The following SNX29 variants were observed in gnomAD, a reference collection of about 807,000 sequenced individuals.
SNX29 encodes sorting nexin-29.
In SNX29, 78 loss-of-function variants were observed where a neutral mutation model predicts 102.1. That is an observed-to-expected ratio of 0.76 (90% CI 0.64 to 0.92). The LOEUF is 0.92. SNX29 is among the 40% of genes least tolerant of loss of function. The pLI, the probability that SNX29 is intolerant of heterozygous loss-of-function variation, is 0.00. For missense variants in SNX29, 1,280 were observed against 1,061.7 expected (o/e 1.21, Z -2.86); for synonymous variants, 580 against 414.5 (o/e 1.40, Z -4.85).
chr16:12,489,544 C>G (rs147068754), intron 19 of SNX29, among the ~76,000 whole-genome samples: 1 of 152,326 alleles, frequency 6.6e-6, no homozygotes, highest in East Asian at 1.9e-4. Context: ...ACTCAGCTGT[C>G]ACATGGTGGT....
chr16:12,277,968 G>C lies in SNX29; in HGVS notation c.1714G>C (p.Val572Leu). Reference sequence around the variant, plus strand: ...TTGGAGTGTTGATGGAGAAGTTACAGTAGCTGAACAGAAGCCGGGAGAAAT... The same window carrying C: ...TTGGAGTGTTGATGGAGAAGTTACACTAGCTGAACAGAAGCCGGGAGAAAT... ...NLWSVDGEVT[V>L]AEQKPGEIAE... The change falls in exon 15 of 21, where the codon GTA becomes CTA. Residue 572 changes from valine to leucine, a missense_variant. Val to Leu is a conservative substitution (Grantham distance 32, BLOSUM62 1). Transcript: ENST00000566228. 1.9e-6 allele frequency: 3 copies of C among 1,609,542 alleles called. No homozygotes were observed. The highest frequency in any genetic ancestry group is 2.5e-6 in the Non-Finnish European group (3 of 1,177,936).
chr16:12,518,831 A>G (rs2089980083), intron 19 of SNX29, among the ~76,000 whole-genome samples: 1 of 152,040 alleles, frequency 6.6e-6, no homozygotes. Flanking sequence ...ATTGCAGGGG[A>G]TTTCGCTGCA....
chr16:12,491,181 T>G (rs2088527675), intron 19 of SNX29, among the ~76,000 whole-genome samples: 1 of 152,254 alleles, frequency 6.6e-6, no homozygotes, highest in Admixed American at 6.5e-5. Context: ...TGATGAACAT[T>G]TAGGTCGTTT....
chr16:12,416,282 G>C (rs1253905591), intron 18 of SNX29, among the ~76,000 whole-genome samples: 1 of 152,066 alleles, frequency 6.6e-6, no homozygotes, highest in East Asian at 1.9e-4. Flanking sequence ...GGCTTGTCTC[G>C]GGGCACCGCC....
intron 15 of SNX29, among the ~76,000 whole-genome samples, chr16:12,317,883 G>C (rs1404755963): frequency 6.6e-6 from 1 of 152,244 alleles, no homozygotes; most frequent in African/African-American, 2.4e-5. Flanking sequence ...TGCAAGTAAA[G>C]CATTCAGCCC....
intron 16 of SNX29, among the ~76,000 whole-genome samples, chr16:12,389,779 G>A (rs951199069): frequency 6.6e-6 from 1 of 152,062 alleles, no homozygotes; most frequent in Non-Finnish European, 1.5e-5. Context: ...ACATCTCCTG[G>A]AAACCCTGGG....
intron 19 of SNX29, among the ~76,000 whole-genome samples, chr16:12,497,433 G>C (rs1255009180): frequency 2.6e-5 from 4 of 152,174 alleles, no homozygotes; most frequent in African/African-American, 9.7e-5. Context: ...GGAGCACACG[G>C]GAGAGTGTAT....
At chr16:12,460,657 CTTTTTTTTT>C (rs56823217) in intron 18 of SNX29, among the ~76,000 whole-genome samples, 6 of 133,688 alleles carry the variant, frequency 4.5e-5, no homozygotes, top group African/African-American at 1.7e-4. Flanking sequence ...TGTGTGAACT[CTTTTTTTTT>C]TTTTTTTTTG....
chr16:12,206,148 C>A (rs190348562), intron 14 of SNX29, among the ~76,000 whole-genome samples: 1 of 152,310 alleles, frequency 6.6e-6, no homozygotes, highest in East Asian at 1.9e-4. Context: ...GTGACCTTGA[C>A]CCTGCCCTGG....
At chr16:12,054,147 T>C (rs1320907389) in intron 8 of SNX29, among the ~76,000 whole-genome samples, 3 of 152,156 alleles carry the variant, frequency 2.0e-5, no homozygotes, top group African/African-American at 4.8e-5. Context: ...TTTGTATTTT[T>C]AGTAGAGACA....
chr16:12,205,538 C>G (rs1211330927), intron 14 of SNX29, among the ~76,000 whole-genome samples: 1 of 151,944 alleles, frequency 6.6e-6, no homozygotes, highest in Non-Finnish European at 1.5e-5. Flanking sequence ...GGCTGATCCT[C>G]AAACATGCCA....
rs1368176361 is a variant in SNX29, at chr16:12,570,635, T to TCC, written c.*2010_*2011dup. On this transcript the variant is annotated 3_prime_UTR_variant, in exon 21 of 21. Transcript: ENST00000566228. ...CTGTTCTCTGTTGGATAAAGGAACC[T>TCC]CCCCCATCTGTGACATTCCCTTGGG... The TCC allele has an allele frequency of 8.6e-6, 2 of 231,874 alleles. No individual in the cohort carries two copies. The highest frequency in any genetic ancestry group is 1.2e-4 in the East Asian group (2 of 16,422). The allele number at this position is 231,874 out of a possible 1,614,324, so 14.4% of individuals were successfully genotyped here. A position where few individuals can be genotyped will look rare whatever the true frequency, so the allele number is the denominator to read the frequency against.
At chr16:12,556,157 C>T (rs775391814) in intron 20 of SNX29, among the ~76,000 whole-genome samples, 12 of 152,096 alleles carry the variant, frequency 7.9e-5, no homozygotes, top group Non-Finnish European at 1.8e-4. Context: ...GGTTAAATCG[C>T]TTTGTCGCCA....
rs186259851 is a variant in SNX29 at position 12,096,179 on chromosome 16, C to T, written c.1402+17264C>T. Among the ~76,000 whole-genome samples, 57 of 152,350 alleles carry T rather than the reference C, an allele frequency of 3.7e-4. 1 individual carries two copies. The East Asian group carries it at 7.7e-3, about 21-fold the overall frequency. ...TGACGTGGCCAACACAGATCCCTCACGCTGGGCATCTTTCTTTAAAGGGGA... is the reference window on the plus strand; with the variant it reads ...TGACGTGGCCAACACAGATCCCTCATGCTGGGCATCTTTCTTTAAAGGGGA... On this transcript the variant is annotated intron_variant, in intron 11 of 20. Coordinates refer to ENST00000566228, the MANE Select transcript of SNX29 (RefSeq NM_032167.5). This position sits in a 1 kb window ranked among gnomAD's most constrained non-coding sequence, Gnocchi z 4.2.
At chr16:12,549,999 T>G (rs2077867968) in intron 20 of SNX29, among the ~76,000 whole-genome samples, 1 of 152,220 alleles carries the variant, frequency 6.6e-6, no homozygotes, top group African/African-American at 2.4e-5. Context: ...TAGCTTCTTA[T>G]TATAAGGGCA....
chr16:12,538,784 A>C (rs766129866), intron 20 of SNX29, among the ~76,000 whole-genome samples: 7 of 152,170 alleles, frequency 4.6e-5, no homozygotes, highest in African/African-American at 9.7e-5. Flanking sequence ...TCACATCGCC[A>C]AGGGGGATTA....
chr16:12,199,153 T>C (rs894315754), intron 13 of SNX29, among the ~76,000 whole-genome samples: 1 of 152,258 alleles, frequency 6.6e-6, no homozygotes, highest in Admixed American at 6.5e-5. Context: ...CTTGACATGA[T>C]GCCTGGCAAA....
At chr16:12,111,348 C>T (rs374699459) in intron 11 of SNX29, among the ~76,000 whole-genome samples, 20 of 152,316 alleles carry the variant, frequency 1.3e-4, no homozygotes, top group Non-Finnish European at 2.2e-4. Flanking sequence ...GCAAAGCCTG[C>T]GTGATGTGAC....
At chr16:12,222,313 A>G (rs1249480101) in intron 14 of SNX29, among the ~76,000 whole-genome samples, 2 of 152,192 alleles carry the variant, frequency 1.3e-5, no homozygotes, top group Non-Finnish European at 1.5e-5. Flanking sequence ...CCACTGAAAC[A>G]TTCTCAAACA....
Sources: allele counts gnomAD v4.1 joint callset (sites outside exome capture counted in the v4.1 genomes callset), GRCh38; gene constraint gnomAD v4.1.1; non-coding constraint Gnocchi (gnomAD v3.1); transcripts MANE v1.5; gene names NCBI Gene and HGNC (gene_info 2026-07-23, HGNC 2026-07-21).